Variants in PARD3B observed in about 807,000 individuals in gnomAD.
PARD3B encodes the protein par-3 family cell polarity regulator beta.
A neutral mutation model predicts 130.2 loss-of-function variants in PARD3B; 103 were observed. The ratio of observed to expected loss-of-function variants is 0.79; its 90% confidence interval spans 0.67 to 0.93. The LOEUF (loss-of-function observed/expected upper bound fraction) is 0.93. PARD3B is among the 40% of genes least tolerant of loss of function. PARD3B has a pLI of 0.00. For missense variants in PARD3B, 1,609 were observed against 1,499.2 expected (o/e 1.07, Z -1.21); for synonymous variants, 583 against 553.2 (o/e 1.05, Z -0.76).
intron 4 of PARD3B, among the ~76,000 whole-genome samples, chr2:205,093,939 CT>C (rs1471158559): frequency 6.6e-6 from 1 of 152,162 alleles, no homozygotes; most frequent in East Asian, 1.9e-4. Flanking sequence ...CTGCCCATGA[CT>C]ACAGCTGCTC....
intron 7 of PARD3B, 48 bp downstream of exon 7, chr2:205,119,094 G>C (rs193083025): frequency 6.4e-7 from 1 of 1,557,166 alleles, no homozygotes; most frequent in East Asian, 2.3e-5. Context: ...CCCTAGCATG[G>C]TTATAAGCAT....
At chr2:205,394,638 C>A (rs1280836793) in intron 18 of PARD3B, among the ~76,000 whole-genome samples, 1 of 152,108 alleles carries the variant, frequency 6.6e-6, no homozygotes, top group East Asian at 1.9e-4. Flanking sequence ...TGTGTAACTG[C>A]AATGGAATAT....
At chr2:205,308,733 A>T (rs2042274697) in intron 18 of PARD3B, among the ~76,000 whole-genome samples, 1 of 152,200 alleles carries the variant, frequency 6.6e-6, no homozygotes, top group South Asian at 2.1e-4. Flanking sequence ...TATTTCAGGG[A>T]CAATCCAGTA....
At chr2:205,304,738 A>G (rs1310770450) in intron 18 of PARD3B, among the ~76,000 whole-genome samples, 1 of 152,070 alleles carries the variant, frequency 6.6e-6, no homozygotes, top group Non-Finnish European at 1.5e-5. Flanking sequence ...GAGTTATAAG[A>G]CAAGCCTGAA....
intron 8 of PARD3B, among the ~76,000 whole-genome samples, chr2:205,123,424 A>G (rs1173246460): frequency 6.6e-6 from 1 of 152,126 alleles, no homozygotes; most frequent in African/African-American, 2.4e-5. Flanking sequence ...AAAAAGAGAC[A>G]TTGGAGCCAT....
chr2:204,842,787 G>T (rs1054226454), intron 2 of PARD3B, among the ~76,000 whole-genome samples: 2 of 152,068 alleles, frequency 1.3e-5, no homozygotes, highest in Admixed American at 6.6e-5. Flanking sequence ...GCAGGCCTGC[G>T]CTGTGGGCTG....
In PARD3B at chr2:205,271,923, C is replaced by T. The variant is rs1403004778; in HGVS notation, c.2185+26101C>T. On this transcript the variant is annotated intron_variant, in intron 16 of 22. Transcript: ENST00000406610. ...CTATAATCCCGGTACTTTGGGAGGC[C>T]GAGGCGGGTGGATCACTTGAGGTCA... Among the ~76,000 whole-genome samples the T allele has an allele frequency of 2.6e-5, 4 of 152,108 alleles. 1 individual carries two copies. Among genetic ancestry groups the T allele is most frequent in the Middle Eastern group, 6.8e-3 (2 of 294 alleles).
chr2:205,191,649 C>A (rs910838779), intron 14 of PARD3B, among the ~76,000 whole-genome samples: 1 of 152,180 alleles, frequency 6.6e-6, no homozygotes, highest in Non-Finnish European at 1.5e-5. Flanking sequence ...CCCTAATGTC[C>A]TTACTTTACA....
chr2:205,254,126 T>G (rs2039973500), intron 16 of PARD3B, among the ~76,000 whole-genome samples: 1 of 149,032 alleles, frequency 6.7e-6, no homozygotes, highest in Non-Finnish European at 1.5e-5. Flanking sequence ...TGAGATGCTC[T>G]GATTCTAGTG....
intron 2 of PARD3B, among the ~76,000 whole-genome samples, chr2:204,835,403 G>A (rs13388261): frequency 0.066 from 9,965 of 152,064 alleles, 902 homozygotes; most frequent in African/African-American, 0.2. Flanking sequence ...CATGAGTATG[G>A]TTTCTATCTG....
intron 1 of PARD3B, among the ~76,000 whole-genome samples, chr2:204,614,542 C>T (rs1413201186): frequency 6.6e-6 from 1 of 152,100 alleles, no homozygotes; most frequent in Non-Finnish European, 1.5e-5. Context: ...TAAAATAATG[C>T]CAAAACTCAC....
intron 22 of PARD3B, among the ~76,000 whole-genome samples, chr2:205,567,179 T>C (rs1455471241): frequency 1.3e-5 from 2 of 151,878 alleles, no homozygotes; most frequent in Non-Finnish European, 2.9e-5. Context: ...TTTAATAATA[T>C]GTATGTATGT....
At chr2:204,791,065 A>C (rs1487233225) in intron 2 of PARD3B, among the ~76,000 whole-genome samples, 1 of 152,022 alleles carries the variant, frequency 6.6e-6, no homozygotes, top group Non-Finnish European at 1.5e-5. Context: ...AGATGACGCC[A>C]CCGCCCTCCA....
intron 3 of PARD3B, among the ~76,000 whole-genome samples, chr2:204,978,213 T>A (rs1158321561): frequency 6.6e-6 from 1 of 152,154 alleles, no homozygotes; most frequent in Non-Finnish European, 1.5e-5. Flanking sequence ...AAACATCTAG[T>A]CTGTGTGTCT....
At chr2:205,275,307 A>C (rs909670900) in intron 16 of PARD3B, among the ~76,000 whole-genome samples, 4 of 152,178 alleles carry the variant, frequency 2.6e-5, no homozygotes, top group Non-Finnish European at 5.9e-5. Flanking sequence ...GATAATGAAA[A>C]GAGAAATTAG....
chr2:205,580,542 A>G (rs1229642484), intron 22 of PARD3B, among the ~76,000 whole-genome samples: 1 of 152,194 alleles, frequency 6.6e-6, no homozygotes, highest in Non-Finnish European at 1.5e-5. Flanking sequence ...GCTGTCTCAA[A>G]TCTGCACCAA....
intron 2 of PARD3B, among the ~76,000 whole-genome samples, chr2:204,848,980 T>C (rs1008004387): frequency 6.6e-6 from 1 of 152,256 alleles, no homozygotes; most frequent in African/African-American, 2.4e-5. Flanking sequence ...AAAGCTCTTG[T>C]TAAGATTCTT....
chr2:204,717,257 GA>G (rs888121487), intron 2 of PARD3B, among the ~76,000 whole-genome samples: 1 of 152,158 alleles, frequency 6.6e-6, no homozygotes, highest in African/African-American at 2.4e-5. Flanking sequence ...TCAGATCTAA[GA>G]ATTTTGGCTT....
At chr2:205,515,797 T>G (rs1473970924) in intron 21 of PARD3B, among the ~76,000 whole-genome samples, 3 of 152,146 alleles carry the variant, frequency 2.0e-5, no homozygotes, top group Non-Finnish European at 4.4e-5. Flanking sequence ...GCTCTTAAGT[T>G]TATTTAGATC....
Sources: gnomAD v4.1 joint callset for allele counts (sites outside exome capture counted in the v4.1 genomes callset) on GRCh38, gnomAD v4.1.1 for gene constraint, MANE v1.5 for transcripts, NCBI Gene and HGNC (gene_info 2026-07-23, HGNC 2026-07-21) for gene names.